Variants in ZNF333 observed in about 807,000 individuals in gnomAD.
ZNF333 encodes the protein zinc finger protein 333.
In ZNF333, 61 loss-of-function variants were observed where a neutral mutation model predicts 76.1. The observed-to-expected ratio is 0.80, with a 90% confidence interval of 0.65 to 0.99. The LOEUF is 0.99. Ranked by LOEUF, ZNF333 falls within the 50% of genes least tolerant of loss-of-function variation. The pLI is 0.00. For missense variants in ZNF333, 717 were observed against 822.4 expected (o/e 0.87, Z 1.57); for synonymous variants, 284 against 305.0 (o/e 0.93, Z 0.72).
At chr19:14,713,068 A>G (rs1308776043) in intron 7 of ZNF333, among the ~76,000 whole-genome samples, 1 of 152,150 alleles carries the variant, frequency 6.6e-6, no homozygotes, top group African/African-American at 2.4e-5. Flanking sequence ...TCTGATGAGA[A>G]TCCCACAACT....
At chr19:14,693,530 G>A (rs910129671) in intron 2 of ZNF333, 36 bp downstream of exon 2, 2 of 1,594,340 alleles carry the variant, frequency 1.3e-6, no homozygotes, top group Admixed American at 3.4e-5. Context: ...CTGAAGGGGT[G>A]GATATGTAGG....
intron 7 of ZNF333, among the ~76,000 whole-genome samples, chr19:14,713,001 C>T (rs142805355): frequency 6.6e-6 from 1 of 151,704 alleles, no homozygotes; most frequent in East Asian, 1.9e-4. Flanking sequence ...TCCATTCCAG[C>T]GTCAACTCTA....
intron 5 of ZNF333, among the ~76,000 whole-genome samples, chr19:14,703,535 A>G (rs1361671559): frequency 1.3e-5 from 2 of 152,214 alleles, no homozygotes; most frequent in Non-Finnish European, 2.9e-5. Context: ...AGAGAGGCCA[A>G]TGTCATTGGA....
At chr19:14,723,746 C>T (rs1251308305), downstream of ZNF333, among the ~76,000 whole-genome samples, 1 of 152,134 alleles carries the variant, frequency 6.6e-6, no homozygotes, top group Non-Finnish European at 1.5e-5. Flanking sequence ...TCTCCTTGGT[C>T]CAAGTTAAAA....
intron 11 of ZNF333, among the ~76,000 whole-genome samples, chr19:14,728,221 A>T (rs999333958): frequency 5.3e-5 from 8 of 151,702 alleles, no homozygotes; most frequent in Admixed American, 3.3e-4. Flanking sequence ...TCAAAAAAAA[A>T]TTTTTTTTTC....
chr19:14,727,024 CTTTTTTTTTT>C (rs33936016), intron 11 of ZNF333, among the ~76,000 whole-genome samples: 5 of 70,106 alleles, frequency 7.1e-5, no homozygotes, highest in African/African-American at 1.9e-4. Flanking sequence ...AGAAAAGAGG[CTTTTTTTTTT>C]TTTTTTTTTT....
At position 14,704,875 on chromosome 19, in the gene ZNF333, C is replaced by G. The variant is rs529152595; in HGVS notation, c.307-179C>G. Among the ~76,000 whole-genome samples the G allele has an allele frequency of 1.1e-3, 161 of 152,342 alleles. 2 individuals carry two copies. The highest frequency in any genetic ancestry group is 2.1e-3 in the Non-Finnish European group (141 of 68,030). ...GCCAGGCTGCTCTTGAACTCCTGGC[C>G]TCAAGCAATTCTTCACCTCAGCCTC... On this transcript the variant is annotated intron_variant, in intron 5 of 11. Coordinates refer to ENST00000292530, the MANE Select transcript of ZNF333 (RefSeq NM_032433.4).
At chr19:14,725,548 C>T (rs1189266105), downstream of ZNF333, among the ~76,000 whole-genome samples, 1 of 152,190 alleles carries the variant, frequency 6.6e-6, no homozygotes, top group Non-Finnish European at 1.5e-5. Flanking sequence ...AAATCAAAGA[C>T]ATGTTATTTA....
intron 11 of ZNF333, 116 bp downstream of exon 11, chr19:14,717,849 C>A: frequency 9.9e-7 from 1 of 1,008,552 alleles, no homozygotes; most frequent in Non-Finnish European, 1.5e-6. Flanking sequence ...AAGTGTTTAC[C>A]CAGAAGGAAG....
Position 14,718,430 on chromosome 19 carries a change from G to T in ZNF333, c.1103G>T (p.Cys368Phe), listed in dbSNP as rs765876426. The T allele has an allele frequency of 1.1e-5, 17 of 1,614,188 alleles. No individual in the cohort carries two copies. The highest frequency in any genetic ancestry group is 1.4e-5 in the Non-Finnish European group (17 of 1,180,040). Reference sequence around the variant, plus strand: ...CGTAGTGGGGATAAATCCTATGCATGTAACAAATGTGAAAAATCCTTCAGA... The same window carrying T: ...CGTAGTGGGGATAAATCCTATGCATTTAACAAATGTGAAAAATCCTTCAGA... ...KIRSGDKSYACNKCEKSFRYS... is the reference protein window; with the variant it reads ...KIRSGDKSYAFNKCEKSFRYS... Residue 368 changes from cysteine (C) to phenylalanine (F), a missense_variant, in exon 12 of 12, where the codon TGT (cysteine) becomes TTT (phenylalanine). Transcript: ENST00000292530.
rs112985570 is a variant in ZNF333, at chr19:14,729,042, T to C, written c.901-2133T>C. Among the ~76,000 whole-genome samples the C allele has an allele frequency of 3.6e-3, 545 of 152,192 alleles. 4 individuals carry two copies. Among genetic ancestry groups the C allele is most frequent in the Non-Finnish European group, 5.3e-3 (363 of 68,010 alleles). On this transcript the variant is annotated intron_variant, in intron 11 of 11. Coordinates refer to the ZNF333 transcript ENST00000540689. The stretch of plus-strand genomic sequence containing the variant: ...AGTTTTGAAGGGTATGTGTGTGGTT[T>C]TGAGGGGTGGAACGGGTGCAGAATG...
chr19:14,722,880 G>A (rs556939126), downstream of ZNF333, among the ~76,000 whole-genome samples: 7 of 152,298 alleles, frequency 4.6e-5, no homozygotes, highest in Admixed American at 2.6e-4. Context: ...CCGCCTCCCC[G>A]GTTCAAGTGA....
chr19:14,716,103 G>T lies in ZNF333; in HGVS notation c.601-9G>T. On this transcript the variant is annotated splice_polypyrimidine_tract_variant and intron_variant, in intron 8 of 11. Transcript: ENST00000292530. ...TCCCTGGCTGAGCCGGGATGGATGT[G>T]TGTTTTAGGAACCAGTCACCTTTGC... 6.2e-7 allele frequency: 1 copy of T among 1,613,980 alleles called. No individual in the cohort carries two copies. The highest frequency in any genetic ancestry group is 1.1e-5 in the South Asian group (1 of 91,064).
chr19:14,711,865 G>A (rs2042286109), intron 7 of ZNF333, among the ~76,000 whole-genome samples: 1 of 152,070 alleles, frequency 6.6e-6, no homozygotes, highest in Non-Finnish European at 1.5e-5. Context: ...GCAATACATA[G>A]CTGGTTACAG....
rs773023721 is a variant in ZNF333 at position 14,716,142 on chromosome 19, G to A, written c.631G>A (p.Val211Met). The change falls in exon 9 of 12, where the codon GTG becomes ATG. Residue 211 changes from valine (V) to methionine (M), a missense_variant. Val to Met is a conservative substitution (Grantham distance 21). Transcript: ENST00000292530. ...AGTCACCTTTGCAGATGTGGCTGTG[G>A]TGTTCACCCCAGAAGAATGGGTGTT... ...EPVTFADVAV[V>M]FTPEEWVFLD... 1.2e-6 allele frequency: 2 copies of A among 1,614,176 alleles called. No individual in the cohort carries two copies. Among genetic ancestry groups the A allele is most frequent in the Non-Finnish European group, 1.7e-6 (2 of 1,180,036 alleles).
chr19:14,693,869 A>T (rs1287189983), intron 2 of ZNF333, among the ~76,000 whole-genome samples: 1 of 151,662 alleles, frequency 6.6e-6, no homozygotes, highest in East Asian at 1.9e-4. Flanking sequence ...AATCGCAGCT[A>T]CTTGGGAGGT....
Position 14,699,272 on chromosome 19 carries a change from C to T in ZNF333, c.297C>T (p.Asp99=), listed in dbSNP as rs759062522. 3 of 1,613,678 alleles carry T rather than the reference C, an allele frequency of 1.9e-6. No individual in the cohort carries two copies. The highest frequency in any genetic ancestry group is 1.1e-5 in the South Asian group (1 of 91,054). Residue 99 remains aspartate (D), a synonymous_variant, in exon 5 of 12, where the codon GAC becomes GAT. Transcript: ENST00000292530. ...QDLLEEASSR[D]MQMGPGLFLR... is the part of the protein sequence containing the mutation. ...TTTTGGAAGAAGCATCCTCCAGGGA[C>T]ATGCAAATGGTAAGATGCACGGGGT... is the stretch of plus-strand genomic sequence containing the variant.
rs570173815 is a variant in ZNF333, at chr19:14,715,284, CAT to C, written c.512-97_512-96del. The C allele has an allele frequency of 4.0e-4, 379 of 957,908 alleles. 3 individuals are homozygous for C. Among genetic ancestry groups the C allele is most frequent in the African/African-American group, 6.1e-4 (38 of 62,092 alleles). The allele number at this position is 957,908 out of a possible 1,614,324, so 59.3% of individuals were successfully genotyped here. A position where few individuals can be genotyped will look rare whatever the true frequency, so the allele number is the denominator to read the frequency against. On this transcript the variant is annotated intron_variant, in intron 7 of 11. Transcript: ENST00000292530. ...GAGTGTGTGCATGTGTGTGTGTACA[CAT>C]GTGATCACTCACAGCCAGGGTGGGC... is the stretch of plus-strand genomic sequence containing the variant.
At position 14,718,830 on chromosome 19, in the gene ZNF333, C is replaced by G; in HGVS notation, c.1503C>G (p.Thr501=). The G allele has an allele frequency of 6.2e-7, 1 of 1,613,752 alleles. No homozygotes were observed. Among genetic ancestry groups the G allele is most frequent in the East Asian group, 2.2e-5 (1 of 44,864 alleles). Residue 501 remains threonine (T), a synonymous_variant, in exon 12 of 12, where the codon ACC becomes ACG. Coordinates refer to ENST00000292530, the MANE Select transcript of ZNF333 (RefSeq NM_032433.4). ...SSLKTHLRTH[T]REKPYECNQC... ...TGAAGACACATCTGCGAACCCATAC[C>G]AGAGAGAAACCATATGAATGCAACC...
Sources: allele counts gnomAD v4.1 joint callset (sites outside exome capture counted in the v4.1 genomes callset), GRCh38; gene constraint gnomAD v4.1.1; transcripts MANE v1.5; gene names NCBI Gene and HGNC (gene_info 2026-07-23, HGNC 2026-07-21).